ANKFY1: variants seen among roughly 807,000 people sequenced by gnomAD.
ANKFY1 encodes the protein ankyrin repeat and FYVE domain containing 1, also known as ankyrin repeat and FYVE domain-containing protein 1.
A neutral mutation model predicts 128.3 loss-of-function variants in ANKFY1; 47 were observed. The ratio of observed to expected loss-of-function variants is 0.37; its 90% confidence interval spans 0.29 to 0.47. The LOEUF (loss-of-function observed/expected upper bound fraction) is 0.47. Among genes scored for constraint, ANKFY1 ranks in the 20% least tolerant of loss-of-function variants. The pLI is 1.00. For synonymous variants in ANKFY1, 553 were observed against 601.6 expected (o/e 0.92, Z 1.18); for missense variants, 1,222 against 1,510.6 (o/e 0.81, Z 3.17).
chr17:4,263,123 G>A (rs1193011399), intron 1 of ANKFY1, among the ~76,000 whole-genome samples: 1 of 152,102 alleles, frequency 6.6e-6, no homozygotes, highest in Non-Finnish European at 1.5e-5. Context: ...CCCGTCTCTG[G>A]GCCTTCTTTC....
rs371705280 is a variant in ANKFY1, at chr17:4,187,006, A to T, written c.1471-1960T>A. The T allele has an allele frequency of 5.0e-5, 61 of 1,218,800 alleles. 1 individual carries two copies. The Middle Eastern group carries it at 2.2e-3, about 45-fold the overall frequency. 75.5% of individuals were successfully genotyped at this position (1,218,800 alleles called of 1,614,324 possible). On this transcript the variant is annotated intron_variant, in intron 11 of 24. Transcript: ENST00000341657. ...TGGGTTCGCCGCAACTGTTTTTTTTAAATTCGTATTTCAGTGTCTTTGGGG... is the reference window on the plus strand; with the variant it reads ...TGGGTTCGCCGCAACTGTTTTTTTTTAATTCGTATTTCAGTGTCTTTGGGG...
chr17:4,190,142 G>A (rs1324634534), intron 10 of ANKFY1, among the ~76,000 whole-genome samples: 7 of 152,270 alleles, frequency 4.6e-5, no homozygotes, highest in Non-Finnish European at 1.5e-5. Context: ...AAGACAATTA[G>A]AAATGTCTGT....
intron 18 of ANKFY1, 90 bp from the exon 19 acceptor site, chr17:4,177,392 G>T: frequency 8.3e-7 from 1 of 1,208,708 alleles, no homozygotes; most frequent in Non-Finnish European, 1.1e-6. Flanking sequence ...CACTGGAGAG[G>T]TCACGATGGA....
intron 20 of ANKFY1, 52 bp from the exon 21 acceptor site, chr17:4,173,496 C>T: frequency 4.6e-6 from 7 of 1,519,230 alleles, no homozygotes; most frequent in South Asian, 1.1e-5. Context: ...TGCAGAAAAA[C>T]CTCCACTCCT....
At chr17:4,238,152 T>TAAAAAA (rs55944256) in intron 2 of ANKFY1, among the ~76,000 whole-genome samples, 2 of 92,670 alleles carry the variant, frequency 2.2e-5, no homozygotes, top group African/African-American at 4.0e-5. Flanking sequence ...CTTATTTATT[T>TAAAAAA]AAAAAAAAAA....
intron 1 of ANKFY1, chr17:4,263,577 C>T (rs1968539821): frequency 6.6e-7 from 1 of 1,521,084 alleles, no homozygotes; most frequent in Non-Finnish European, 8.8e-7. Flanking sequence ...GTTTCGATTT[C>T]CTAAGGAGAA....
chr17:4,263,535 C>T (rs1968536742), intron 1 of ANKFY1: 2 of 1,531,332 alleles, frequency 1.3e-6, no homozygotes, highest in Admixed American at 2.0e-5. Context: ...AGGGATGGAC[C>T]CCTTCCGGAT....
intron 24 of ANKFY1, 140 bp from the exon 25 acceptor site, chr17:4,168,051 G>T (rs886575090): frequency 1.2e-6 from 1 of 852,342 alleles, no homozygotes; most frequent in Non-Finnish European, 1.7e-6. Context: ...CTGCCAGCCC[G>T]GTTACCACAA....
chr17:4,218,046 T>A (rs1434101298), intron 3 of ANKFY1, among the ~76,000 whole-genome samples: 4 of 152,116 alleles, frequency 2.6e-5, no homozygotes, highest in African/African-American at 9.7e-5. Context: ...GGATACCCAA[T>A]GGAAAAATGG....
At chr17:4,176,977 A>T in intron 19 of ANKFY1, 149 bp downstream of exon 19, 1 of 780,410 alleles carries the variant, frequency 1.3e-6, no homozygotes, top group Non-Finnish European at 1.8e-6. Flanking sequence ...AGCCCTTGAC[A>T]CCAGTTTCCT....
At chr17:4,236,475 G>A (rs562837202) in intron 2 of ANKFY1, among the ~76,000 whole-genome samples, 17 of 152,188 alleles carry the variant, frequency 1.1e-4, no homozygotes, top group Non-Finnish European at 2.4e-4. Flanking sequence ...ATGGGGTGAG[G>A]AAAAAGCTTT....
intron 4 of ANKFY1, among the ~76,000 whole-genome samples, chr17:4,212,047 G>A (rs1041169740): frequency 6.6e-6 from 1 of 152,186 alleles, no homozygotes; most frequent in Non-Finnish European, 1.5e-5. Context: ...CTTCCTCTAT[G>A]CCAGAATTCC....
intron 3 of ANKFY1, among the ~76,000 whole-genome samples, chr17:4,229,104 TA>T (rs571523561): frequency 1.1e-4 from 17 of 151,962 alleles, no homozygotes; most frequent in Non-Finnish European, 2.2e-4. Flanking sequence ...ATTCATACTA[TA>T]AAAAAAAGTC....
At chr17:4,195,762 C>G (rs1001035677) in intron 8 of ANKFY1, among the ~76,000 whole-genome samples, 2 of 152,174 alleles carry the variant, frequency 1.3e-5, no homozygotes, top group African/African-American at 4.8e-5. Flanking sequence ...TTCTTGAGAA[C>G]AGCAGTTTCT....
At chr17:4,229,120 T>C (rs1404826021) in intron 3 of ANKFY1, among the ~76,000 whole-genome samples, 3 of 152,128 alleles carry the variant, frequency 2.0e-5, no homozygotes, top group Non-Finnish European at 4.4e-5. Context: ...AAAGTCATAG[T>C]CTTAACCTTA....
Position 4,233,114 on chromosome 17 carries a change from G to A in ANKFY1, c.322+2658C>T, listed in dbSNP as rs546108081. On this transcript the variant is annotated intron_variant, in intron 3 of 24. Transcript: ENST00000341657. ...AAATGTACAAGAATACCACCTTCAT[G>A]AGCCTCACAGCTACTAGGATCACCA... 2.6e-5 allele frequency among the ~76,000 whole-genome samples: 4 copies of A among 152,202 alleles called. No individual in the cohort carries two copies. The South Asian group carries it at 8.3e-4, about 32-fold the overall frequency.
At chr17:4,240,381 T>C (rs1967144271) in intron 2 of ANKFY1, among the ~76,000 whole-genome samples, 1 of 144,972 alleles carries the variant, frequency 6.9e-6, no homozygotes, top group Non-Finnish European at 1.5e-5. Context: ...AGCATGTTAA[T>C]CTTTATTTAT....
At position 4,167,610 on chromosome 17, in the gene ANKFY1, T is replaced by C. The variant is rs915891034; in HGVS notation, c.*169A>G. 3.3e-6 allele frequency: 2 copies of C among 605,276 alleles called. No homozygotes were observed. The highest frequency in any genetic ancestry group is 1.8e-5 in the African/African-American group (1 of 54,198). 37.5% of individuals were successfully genotyped at this position (605,276 alleles called of 1,614,324 possible). ...AGTCTGACACACACACTGACAATCA[T>C]ATGGAATCATTTGAAATGGGATCTA... is the stretch of plus-strand genomic sequence containing the variant. On this transcript the variant is annotated 3_prime_UTR_variant, in exon 25 of 25. Transcript: ENST00000341657. This position sits in a 1 kb window ranked among gnomAD's most constrained non-coding sequence, Gnocchi z 4.1.
At chr17:4,189,659 G>C (rs1020042649) in intron 10 of ANKFY1, among the ~76,000 whole-genome samples, 180 bp from the exon 11 acceptor site, 5 of 152,064 alleles carry the variant, frequency 3.3e-5, no homozygotes, top group African/African-American at 1.2e-4. Context: ...GCCCACGCCA[G>C]AGAGTAGGCC....
Sources: allele counts gnomAD v4.1 joint callset (sites outside exome capture counted in the v4.1 genomes callset), GRCh38; gene constraint gnomAD v4.1.1; non-coding constraint Gnocchi (gnomAD v3.1); transcripts MANE v1.5; gene names NCBI Gene and HGNC (gene_info 2026-07-23, HGNC 2026-07-21).